The following ZCCHC4 variants were observed in gnomAD, a reference collection of about 807,000 sequenced individuals.
ZCCHC4 encodes the protein rRNA N(6)-adenosine-methyltransferase ZCCHC4.
In ZCCHC4, 54 loss-of-function variants were observed where a neutral mutation model predicts 67.7. The observed-to-expected ratio is 0.80, with a 90% CI of 0.64 to 1.00. ZCCHC4 has a LOEUF of 1.00. Ranked by LOEUF, ZCCHC4 falls within the 50% of genes least tolerant of loss-of-function variation. ZCCHC4 has a pLI of 0.00. For synonymous variants in ZCCHC4, 198 were observed against 213.5 expected, an observed-to-expected ratio of 0.93 and a Z score of 0.63; for missense variants, 609 against 617.0, an observed-to-expected ratio of 0.99 and a Z score of 0.14.
rs1381077346 is a variant in ZCCHC4 at position 25,338,324 on chromosome 4, G to A, written c.686+4336G>A. Among the ~76,000 whole-genome samples, 8 of 152,170 alleles carry A rather than the reference G, an allele frequency of 5.3e-5. No individual in the cohort carries two copies. The East Asian group carries it at 1.5e-3, about 29-fold the overall frequency. On this transcript the variant is annotated intron_variant, in intron 5 of 12. Transcript: ENST00000302874. ...GCCCAAGATAGTCTTAAACTCCTGG[G>A]CTAATGCAGTGTGCCTGCCTCAGCC...
At chr4:25,313,013 C>T in intron 1 of ZCCHC4, 77 bp downstream of exon 1, 2 of 1,560,002 alleles carry the variant, frequency 1.3e-6, no homozygotes, top group Non-Finnish European at 1.7e-6. Context: ...TTTTGGGGCT[C>T]CTGTATTTTT....
At chr4:25,355,401 G>C (rs1720478378) in intron 8 of ZCCHC4, among the ~76,000 whole-genome samples, 1 of 152,196 alleles carries the variant, frequency 6.6e-6, no homozygotes, top group Non-Finnish European at 1.5e-5. Flanking sequence ...TACCAGGCTT[G>C]GTAGCAAAGA....
At position 25,352,353 on chromosome 4, in the gene ZCCHC4, G is replaced by A. The variant is rs903577913; in HGVS notation, c.1011+664G>A. The A allele has an allele frequency of 1.2e-5, 12 of 985,112 alleles. No homozygotes were observed. In the African/African-American group the frequency reaches 1.9e-4, roughly 16 times the overall value. The allele number at this position is 985,112 out of a possible 1,614,324, so 61.0% of individuals were successfully genotyped here. On this transcript the variant is annotated intron_variant, in intron 8 of 12. Transcript: ENST00000302874. Reference sequence around the variant, plus strand: ...CCACTTTCCTGTATTTTCTTCCCTTGTGTTTGAAGTTAACCCTGTTGTCGC... The same window carrying A: ...CCACTTTCCTGTATTTTCTTCCCTTATGTTTGAAGTTAACCCTGTTGTCGC...
intron 7 of ZCCHC4, among the ~76,000 whole-genome samples, chr4:25,350,226 G>C (rs77445090): frequency 0.015 from 2,169 of 149,196 alleles, 35 homozygotes; most frequent in South Asian, 0.042. Flanking sequence ...TGACTTAGCC[G>C]TGTACGGTCT....
At chr4:25,321,440 T>A (rs768966610) in intron 3 of ZCCHC4, among the ~76,000 whole-genome samples, 1 of 152,164 alleles carries the variant, frequency 6.6e-6, no homozygotes, top group Non-Finnish European at 1.5e-5. Context: ...TGGCGTGATC[T>A]TGGCTCACTT....
chr4:25,345,715 C>A, intron 6 of ZCCHC4, 95 bp downstream of exon 6: 1 of 785,766 alleles, frequency 1.3e-6, no homozygotes, highest in South Asian at 1.7e-5. Flanking sequence ...CCCTCAAGGT[C>A]AAATTGTGGC....
intron 2 of ZCCHC4, among the ~76,000 whole-genome samples, chr4:25,314,906 G>C (rs1718172119): frequency 6.6e-6 from 1 of 152,140 alleles, no homozygotes; most frequent in African/African-American, 2.4e-5. Flanking sequence ...ACCAATGAAG[G>C]CACTTAGAGA....
rs796852638 is a variant in ZCCHC4 at position 25,370,053 on chromosome 4, A to G, written c.*889A>G. On this transcript the variant is annotated 3_prime_UTR_variant, in exon 13 of 13. Coordinates refer to ENST00000302874, the MANE Select transcript of ZCCHC4 (RefSeq NM_024936.3). ...TATTTATTCTTCAAGTACTTTTTGCAGTTGTCCTCTGACGGTCTAGAATCA... is the reference window on the plus strand; with the variant it reads ...TATTTATTCTTCAAGTACTTTTTGCGGTTGTCCTCTGACGGTCTAGAATCA... 4 of 152,272 alleles carry G rather than the reference A, an allele frequency of 2.6e-5. No individual in the cohort carries two copies. Among genetic ancestry groups the G allele is most frequent in the African/African-American group, 9.6e-5 (4 of 41,572 alleles). 9.4% of individuals were successfully genotyped at this position (152,272 alleles called of 1,614,324 possible).
At chr4:25,325,123 G>C (rs1195075387) in intron 3 of ZCCHC4, among the ~76,000 whole-genome samples, 1 of 125,242 alleles carries the variant, frequency 8.0e-6, no homozygotes, top group Admixed American at 8.1e-5. Context: ...GGCGCCTGTA[G>C]TCCCAGCTAC....
intron 5 of ZCCHC4, among the ~76,000 whole-genome samples, chr4:25,342,141 C>G (rs1719784373): frequency 6.6e-6 from 1 of 151,984 alleles, no homozygotes; most frequent in Non-Finnish European, 1.5e-5. Flanking sequence ...AACAATAGTT[C>G]TTAAGAGAGA....
intron 3 of ZCCHC4, among the ~76,000 whole-genome samples, chr4:25,319,070 A>T (rs1718432738): frequency 6.6e-6 from 1 of 152,246 alleles, no homozygotes; most frequent in Non-Finnish European, 1.5e-5. Context: ...TGTGTTAAGT[A>T]ACTACAGTAT....
At chr4:25,355,845 T>C (rs1360392340) in intron 8 of ZCCHC4, among the ~76,000 whole-genome samples, 1 of 152,194 alleles carries the variant, frequency 6.6e-6, no homozygotes, top group Non-Finnish European at 1.5e-5. Context: ...ATGGGTATTA[T>C]GATAGACTTT....
intron 3 of ZCCHC4, among the ~76,000 whole-genome samples, chr4:25,319,122 G>T (rs12509007): frequency 0.083 from 12,573 of 152,240 alleles, 593 homozygotes; most frequent in East Asian, 0.16. Flanking sequence ...GGTGGCTCAC[G>T]CCTGTAATCC....
At position 25,365,124 on chromosome 4, in the gene ZCCHC4, G is replaced by A. The variant is rs140336886; in HGVS notation, c.1364G>A (p.Arg455His). The A allele has an allele frequency of 9.8e-5, 158 of 1,614,122 alleles. No individual in the cohort carries two copies. The highest frequency in any genetic ancestry group is 1.3e-4 in the Non-Finnish European group (150 of 1,180,000). ...ATTTGTGGTGAACTGGATCATAAAC[G>A]CAGTACTTGTCCTAACATTGCTACA... ...CFICGELDHK[R>H]STCPNIATSK... Residue 455 changes from arginine (R) to histidine (H), a missense_variant, in exon 12 of 13, where the codon CGC (arginine) becomes CAC (histidine). Transcript: ENST00000302874.
chr4:25,332,833 T>TGTGGATTTGTCAA, intron 3 of ZCCHC4, among the ~76,000 whole-genome samples: 1 of 152,320 alleles, frequency 6.6e-6, no homozygotes, highest in Non-Finnish European at 1.5e-5. Flanking sequence ...CAGATAAAAG[T>TGTGGATTTGTCAA]TAGACATGTG....
rs750788664 is a variant in ZCCHC4 at position 25,364,436 on chromosome 4, T to A, written c.1210-18T>A. ...AACAAATTAATTATAATTTAAAAAT[T>A]GTTTTTTTTTTTGGTAGGATGGCAG... On this transcript the variant is annotated intron_variant, in intron 10 of 12. Transcript: ENST00000302874. 1.7e-5 allele frequency: 25 copies of A among 1,481,330 alleles called. No individual in the cohort carries two copies. Among genetic ancestry groups the A allele is most frequent in the Admixed American group, 7.0e-5 (3 of 42,752 alleles). 91.8% of individuals were successfully genotyped at this position (1,481,330 alleles called of 1,614,324 possible).
chr4:25,343,178 C>A (rs1418273961), intron 5 of ZCCHC4, among the ~76,000 whole-genome samples: 1 of 152,100 alleles, frequency 6.6e-6, no homozygotes, highest in Non-Finnish European at 1.5e-5. Flanking sequence ...GTTTAATGGT[C>A]ATTTGACATT....
intron 5 of ZCCHC4, among the ~76,000 whole-genome samples, chr4:25,343,690 C>T (rs756868497): frequency 6.6e-6 from 1 of 152,274 alleles, no homozygotes; most frequent in South Asian, 2.1e-4. Flanking sequence ...GAAACCAGAC[C>T]GTCTGACTAT....
intron 3 of ZCCHC4, among the ~76,000 whole-genome samples, chr4:25,320,173 T>C (rs1049681990): frequency 2.0e-5 from 3 of 152,166 alleles, no homozygotes; most frequent in Admixed American, 2.0e-4. Flanking sequence ...ATTTTGTGCC[T>C]GAGATTTGCT....
Sources: allele counts gnomAD v4.1 joint callset (sites outside exome capture counted in the v4.1 genomes callset), GRCh38; gene constraint gnomAD v4.1.1; transcripts MANE v1.5; gene names NCBI Gene and HGNC (gene_info 2026-07-23, HGNC 2026-07-21).